The following CPAMD8 variants were observed in gnomAD, a reference collection of about 807,000 sequenced individuals.
CPAMD8 encodes the protein C3 and PZP-like alpha-2-macroglobulin domain-containing protein 8.
CPAMD8 carries 146 observed loss-of-function variants against 224.7 expected under a neutral mutation model. The observed-to-expected ratio is 0.65, with a 90% CI of 0.57 to 0.75. The LOEUF (loss-of-function observed/expected upper bound fraction) is 0.75. CPAMD8 is among the 30% of genes least tolerant of loss of function. The pLI is 0.00. For missense variants in CPAMD8, 2,301 were observed against 2,537.5 expected, an observed-to-expected ratio of 0.91 and a Z score of 2.00; for synonymous variants, 966 against 1,044.6, an observed-to-expected ratio of 0.92 and a Z score of 1.45.
chr19:16,974,888 T>C (rs1317708032), intron 17 of CPAMD8, among the ~76,000 whole-genome samples: 2 of 151,982 alleles, frequency 1.3e-5, no homozygotes, highest in Non-Finnish European at 2.9e-5. Context: ...GGTGGGAGGA[T>C]CACTTGAGCA....
chr19:17,020,837 T>C (rs971569592), intron 2 of CPAMD8, among the ~76,000 whole-genome samples: 1 of 152,196 alleles, frequency 6.6e-6, no homozygotes, highest in East Asian at 1.9e-4. Context: ...TAGGTATCTA[T>C]TATTTTTGCC....
intron 19 of CPAMD8, among the ~76,000 whole-genome samples, chr19:16,957,004 A>T (rs1162630455): frequency 1.3e-5 from 2 of 152,192 alleles, no homozygotes; most frequent in African/African-American, 4.8e-5. Context: ...TAACAATAAA[A>T]AAAGCTCACC....
rs1362402232 is a variant in CPAMD8 at position 16,952,122 on chromosome 19, C to A, written c.2355G>T (p.Leu785=). Residue 785 remains leucine, a synonymous_variant, in exon 20 of 42, where the codon CTG becomes CTT. Coordinates refer to ENST00000443236, the MANE Select transcript of CPAMD8 (RefSeq NM_015692.5). ...ITSWVGEAVA[L]STSQGLGIAE... ...CGATGCCTAAGCCCTGAGAGGTGGACAGGGCCACGGCCTCACCCACCCAGC... is the reference window on the plus strand; with the variant it reads ...CGATGCCTAAGCCCTGAGAGGTGGAAAGGGCCACGGCCTCACCCACCCAGC... 1 of 1,553,072 alleles carries A rather than the reference C, an allele frequency of 6.4e-7. No individual in the cohort carries two copies. Among genetic ancestry groups the A allele is most frequent in the Non-Finnish European group, 8.7e-7 (1 of 1,147,698 alleles).
chr19:16,971,090 A>T, intron 17 of CPAMD8, 57 bp from the exon 18 acceptor site: 1 of 1,472,192 alleles, frequency 6.8e-7, no homozygotes, highest in East Asian at 2.3e-5. Flanking sequence ...GACAGCCCCC[A>T]GAAGCATAAG....
intron 18 of CPAMD8, 44 bp from the exon 19 acceptor site, chr19:16,957,959 A>G: frequency 6.4e-7 from 1 of 1,567,780 alleles, no homozygotes; most frequent in Non-Finnish European, 8.8e-7. Flanking sequence ...CATGAACATA[A>G]CAAATCTTAT....
rs2055478089 is a variant in CPAMD8, at chr19:16,980,632, G to A, written c.1450C>T (p.Leu484=). 1.3e-6 allele frequency: 2 copies of A among 1,596,550 alleles called. No individual in the cohort carries two copies. The highest frequency in any genetic ancestry group is 1.8e-5 in the Admixed American group (1 of 56,208). ...VKSTCPCNFT[L]YYEVAARGNI... ...CCCCGTGCAGCCACCTCGTAGTACA[G>A]GGTAAAGTTGCAGGGACATGTGGAC... Residue 484 remains leucine (L), a synonymous_variant, in exon 14 of 42, where the codon CTG becomes TTG. Transcript: ENST00000443236.
Position 16,929,006 on chromosome 19 carries a change from G to A in CPAMD8, c.3080C>T (p.Ala1027Val). ...GAATTCATCCCAGGAGAGGATCTTG[G>A]CCGTGTGTGCACTGGCCACGGGCTC... Reference protein sequence around the residue: ...MGEPVASAHTAKILSWDEFRT... With the variant: ...MGEPVASAHTVKILSWDEFRT... The change falls in exon 24 of 42, where the codon GCC (alanine) becomes GTC (valine). Residue 1027 changes from alanine to valine, a missense_variant. Ala to Val is a moderately conservative substitution (Grantham distance 64). Around this residue, in one of 4 missense-constraint regions of CPAMD8, gnomAD observed 1,709 missense variants for 1,753.2 expected, o/e 0.97. Coordinates refer to ENST00000443236, the MANE Select transcript of CPAMD8 (RefSeq NM_015692.5). The A allele has an allele frequency of 1.9e-6, 3 of 1,614,080 alleles. No homozygotes were observed. Among genetic ancestry groups the A allele is most frequent in the Non-Finnish European group, 2.5e-6 (3 of 1,179,998 alleles).
intron 20 of CPAMD8, among the ~76,000 whole-genome samples, chr19:16,947,995 T>C (rs2054162579): frequency 6.6e-6 from 1 of 152,206 alleles, no homozygotes; most frequent in Non-Finnish European, 1.5e-5. Flanking sequence ...TGCATATGTA[T>C]ACCATGATGA....
At chr19:16,968,297 G>A (rs2054928991) in intron 18 of CPAMD8, among the ~76,000 whole-genome samples, 1 of 152,098 alleles carries the variant, frequency 6.6e-6, no homozygotes, top group African/African-American at 2.4e-5. Flanking sequence ...AACCCTGTAG[G>A]CCTGCTAAAC....
intron 27 of CPAMD8, among the ~76,000 whole-genome samples, chr19:16,916,386 A>T (rs975430738): frequency 6.6e-6 from 1 of 151,788 alleles, no homozygotes; most frequent in African/African-American, 2.4e-5. Flanking sequence ...CAGCCTCCCG[A>T]GTAGCTGGGA....
chr19:16,937,321 CTTGT>C (rs1014588856), intron 23 of CPAMD8, among the ~76,000 whole-genome samples: 2 of 151,290 alleles, frequency 1.3e-5, no homozygotes, highest in African/African-American at 4.9e-5. Context: ...TGCTTGTTTG[CTTGT>C]TTGTTTAATT....
Position 16,929,236 on chromosome 19 carries a change from T to G in CPAMD8, c.2850A>C (p.Arg950Ser), listed in dbSNP as rs755022510. ...TYSAFFCPSE[R>S]VHISTPNKYE... ...ACTTGTTGGGGGTGGAGATGTGGACTCTCTCTGGATGGAGGAAAGGAGATG... is the reference window on the plus strand; with the variant it reads ...ACTTGTTGGGGGTGGAGATGTGGACGCTCTCTGGATGGAGGAAAGGAGATG... The change falls in exon 24 of 42, where the codon AGA becomes AGC. Residue 950 changes from arginine to serine, a missense_variant. By Grantham distance (110) the Arg-to-Ser change is moderately radical. Coordinates refer to ENST00000443236, the MANE Select transcript of CPAMD8 (RefSeq NM_015692.5). 3.1e-5 allele frequency: 50 copies of G among 1,597,480 alleles called. No homozygotes were observed. Among genetic ancestry groups the G allele is most frequent in the Non-Finnish European group, 4.2e-5 (49 of 1,168,036 alleles).
At chr19:17,001,701 C>A (rs2056329343) in intron 9 of CPAMD8, among the ~76,000 whole-genome samples, 1 of 151,146 alleles carries the variant, frequency 6.6e-6, no homozygotes, top group Non-Finnish European at 1.5e-5. Flanking sequence ...GGGAGCGGGG[C>A]ACAGGGCACC....
At position 16,914,635 on chromosome 19, in the gene CPAMD8, G is replaced by A. The variant is rs746409337; in HGVS notation, c.3786+22C>T. On this transcript the variant is annotated intron_variant, in intron 28 of 41. Transcript: ENST00000443236. ...TGGGAGGAGGTGAGGGGCCCGGGAA[G>A]GAGGCTCAAGGGGCCACTCACCTGG... 3.7e-6 allele frequency: 6 copies of A among 1,613,694 alleles called. No individual in the cohort carries two copies. The East Asian group carries it at 1.1e-4, about 30-fold the overall frequency.
intron 10 of CPAMD8, among the ~76,000 whole-genome samples, chr19:16,997,898 G>A (rs186008331): frequency 6.6e-6 from 1 of 151,996 alleles, no homozygotes; most frequent in Non-Finnish European, 1.5e-5. Flanking sequence ...GGCAACAGAG[G>A]GGGCAGCTGA....
chr19:16,910,203 CTT>C (rs1797482129), intron 29 of CPAMD8, among the ~76,000 whole-genome samples: 1 of 149,100 alleles, frequency 6.7e-6, no homozygotes, highest in African/African-American at 2.5e-5. Context: ...GAGTTTCACT[CTT>C]GTTGCCCATG....
intron 23 of CPAMD8, among the ~76,000 whole-genome samples, chr19:16,937,291 C>G (rs761726420): frequency 6.6e-6 from 1 of 152,006 alleles, no homozygotes; most frequent in African/African-American, 2.4e-5. Flanking sequence ...TGCACCACCA[C>G]GTCTGGCTAA....
At chr19:17,008,426 G>T in intron 7 of CPAMD8, 79 bp downstream of exon 7, 1 of 1,539,910 alleles carries the variant, frequency 6.5e-7, no homozygotes, top group Non-Finnish European at 8.9e-7. Flanking sequence ...TTAGCGGTGG[G>T]CCCTGGACAG....
intron 18 of CPAMD8, among the ~76,000 whole-genome samples, chr19:16,968,480 C>A (rs544270261): frequency 6.6e-6 from 1 of 152,084 alleles, no homozygotes; most frequent in African/African-American, 2.4e-5. Flanking sequence ...GTTTCCTGGA[C>A]AGGTCATACA....
Sources: gnomAD v4.1 joint callset for allele counts (sites outside exome capture counted in the v4.1 genomes callset) on GRCh38, gnomAD v4.1.1 for gene constraint, gnomAD v4.1.1 regional missense constraint, MANE v1.5 for transcripts, NCBI Gene and HGNC (gene_info 2026-07-23, HGNC 2026-07-21) for gene names.